ATP4A: variants seen among roughly 807,000 people sequenced by gnomAD.
ATP4A encodes ATPase H+/K+ transporting subunit alpha.
A neutral mutation model predicts 112.1 loss-of-function variants in ATP4A; 73 were observed. The ratio of observed to expected loss-of-function variants is 0.65; its 90% CI spans 0.54 to 0.79. The LOEUF (loss-of-function observed/expected upper bound fraction) is 0.79. ATP4A is among the 30% of genes least tolerant of loss of function. The probability of loss-of-function intolerance (pLI) is 0.00; values close to 1 mark genes in which losing one functional copy is unlikely to be tolerated. For missense variants in ATP4A, 1,081 were observed against 1,425.9 expected, an observed-to-expected ratio of 0.76 and a Z score of 3.90; for synonymous variants, 588 against 588.9, an observed-to-expected ratio of 1.00 and a Z score of 0.02.
Position 35,551,390 on chromosome 19 carries a change from T to A in ATP4A, c.2885+57A>T, listed in dbSNP as rs2071600980. 6.2e-7 allele frequency: 1 copy of A among 1,612,152 alleles called. No homozygotes were observed. ...CGGCTGTTCTAAACCACAGTCAGGA[T>A]CTGATGGGAGTTGGGACCAGGGGTT... On this transcript the variant is annotated intron_variant, in intron 19 of 21. Coordinates refer to ENST00000262623, the MANE Select transcript of ATP4A (RefSeq NM_000704.3). This position sits in a 1 kb window ranked among gnomAD's most constrained non-coding sequence, Gnocchi z 5.2.
Position 35,553,757 on chromosome 19 carries a change from G to T in ATP4A, c.2554C>A (p.Arg852Ser). 1 of 1,612,780 alleles carries T rather than the reference G, an allele frequency of 6.2e-7. No individual in the cohort carries two copies. The highest frequency in any genetic ancestry group is 1.1e-5 in the South Asian group (1 of 90,770). The change falls in exon 17 of 22, where the codon CGT becomes AGT. Residue 852 changes from arginine to serine, a missense_variant. Arg to Ser is a moderately radical substitution (Grantham distance 110, BLOSUM62 -1). Transcript: ENST00000262623. ...AGGGGCTCGTTGACCAATCTGTCACGCTTTGGGTTGCGTGGACGCAGGTGC... is the reference window on the plus strand; with the variant it reads ...AGGGGCTCGTTGACCAATCTGTCACTCTTTGGGTTGCGTGGACGCAGGTGC... ...IMHLRPRNPK[R>S]DRLVNEPLAA...
chr19:35,558,712 T>A lies in ATP4A; in HGVS notation c.1256-26A>T. The stretch of plus-strand genomic sequence containing the variant: ...CTGCAGACCAGGCGTCCAGGCTGGG[T>A]CCCGCACGGCGGCTCTCCCGGACCA... On this transcript the variant is annotated intron_variant, in intron 8 of 21. Coordinates refer to ENST00000262623, the MANE Select transcript of ATP4A (RefSeq NM_000704.3). The surrounding 1 kb of genome is among the most constrained non-coding windows in gnomAD (Gnocchi z 5.1). 2 of 1,560,298 alleles carry A rather than the reference T, an allele frequency of 1.3e-6. No homozygotes were observed. The highest frequency in any genetic ancestry group is 1.7e-6 in the Non-Finnish European group (2 of 1,155,152).
In ATP4A at chr19:35,558,743, G is replaced by T; in HGVS notation, c.1256-57C>A. 6.7e-7 allele frequency: 1 copy of T among 1,502,128 alleles called. No homozygotes were observed. The highest frequency in any genetic ancestry group is 1.2e-5 in the South Asian group (1 of 81,048). 93.0% of individuals were successfully genotyped at this position (1,502,128 alleles called of 1,614,324 possible). ...ACGGCGGCTCTCCCGGACCAGAACC[G>T]AGCCCCCTCCTCCTAGGCTCATATC... On this transcript the variant is annotated intron_variant, in intron 8 of 21. Coordinates refer to ENST00000262623, the MANE Select transcript of ATP4A (RefSeq NM_000704.3). The surrounding 1 kb of genome is among the most constrained non-coding windows in gnomAD (Gnocchi z 5.1).
rs2071629341 is a variant in ATP4A, at chr19:35,555,948, CAGAGACAAA to C, written c.1870-145_1870-137del. The C allele has an allele frequency of 2.4e-6, 3 of 1,275,590 alleles. No individual in the cohort carries two copies. Among genetic ancestry groups the C allele is most frequent in the Middle Eastern group, 4.7e-4 (2 of 4,230 alleles). 79.0% of individuals were successfully genotyped at this position (1,275,590 alleles called of 1,614,324 possible). A position where few individuals can be genotyped will look rare whatever the true frequency, so the allele number is the denominator to read the frequency against. Reference sequence around the variant, plus strand: ...CACCTCCTACGTGCCTGGGATATAGCAGAGACAAAAGAGACAAAAATCCCTGTCCTTGAG... The same window carrying C: ...CACCTCCTACGTGCCTGGGATATAGCAGAGACAAAAATCCCTGTCCTTGAG... On this transcript the variant is annotated intron_variant, in intron 12 of 21. Coordinates refer to ENST00000262623, the MANE Select transcript of ATP4A (RefSeq NM_000704.3). The surrounding 1 kb of genome is among the most constrained non-coding windows in gnomAD (Gnocchi z 6.6).
At position 35,553,762 on chromosome 19, in the gene ATP4A, G is replaced by A; in HGVS notation, c.2549C>T (p.Pro850Leu). ...SDIMHLRPRNPKRDRLVNEPL... is the reference protein window; with the variant it reads ...SDIMHLRPRNLKRDRLVNEPL... ...CTCGTTGACCAATCTGTCACGCTTT[G>A]GGTTGCGTGGACGCAGGTGCATGAT... Residue 850 changes from proline (P) to leucine (L), a missense_variant, in exon 17 of 22, where the codon CCA becomes CTA. Coordinates refer to ENST00000262623, the MANE Select transcript of ATP4A (RefSeq NM_000704.3). 1 of 1,612,316 alleles carries A rather than the reference G, an allele frequency of 6.2e-7. No individual in the cohort carries two copies. The highest frequency in any genetic ancestry group is 8.5e-7 in the Non-Finnish European group (1 of 1,179,394).
intron 16 of ATP4A, 152 bp downstream of exon 16, chr19:35,554,770 C>T: frequency 8.7e-7 from 1 of 1,142,966 alleles, no homozygotes; most frequent in Non-Finnish European, 1.2e-6. Context: ...GCCTGCCACC[C>T]ATGTGTCCTG....
rs748717699 is a variant in ATP4A at position 35,559,220 on chromosome 19, G to C, written c.1057-29C>G. 1 of 1,610,882 alleles carries C rather than the reference G, an allele frequency of 6.2e-7. No individual in the cohort carries two copies. Among genetic ancestry groups the C allele is most frequent in the South Asian group, 1.1e-5 (1 of 91,056 alleles). ...GGGAAGGGGTGAGCACCGCAGGCTGGGGACCCACCCTGGCTTCCAGTCCTC... is the reference window on the plus strand; with the variant it reads ...GGGAAGGGGTGAGCACCGCAGGCTGCGGACCCACCCTGGCTTCCAGTCCTC... On this transcript the variant is annotated intron_variant, in intron 7 of 21. Coordinates refer to ENST00000262623, the MANE Select transcript of ATP4A (RefSeq NM_000704.3). This position sits in a 1 kb window ranked among gnomAD's most constrained non-coding sequence, Gnocchi z 4.1.
Position 35,556,901 on chromosome 19 carries a change from A to T in ATP4A, c.1869+12T>A. On this transcript the variant is annotated intron_variant, in intron 12 of 21. Transcript: ENST00000262623. ...GTCCTCACTCCACTTGTTCCTCCCC[A>T]CAGTGGCATACCCGGATGCCTGCGG... 3 of 1,610,950 alleles carry T rather than the reference A, an allele frequency of 1.9e-6. No individual in the cohort carries two copies. The highest frequency in any genetic ancestry group is 2.5e-6 in the Non-Finnish European group (3 of 1,177,538).
Position 35,560,657 on chromosome 19 carries a change from G to C in ATP4A, c.535-42C>G, listed in dbSNP as rs1395328645. The C allele has an allele frequency of 6.4e-7, 1 of 1,563,650 alleles. No homozygotes were observed. The highest frequency in any genetic ancestry group is 1.3e-5 in the African/African-American group (1 of 74,130). The stretch of plus-strand genomic sequence containing the variant: ...CCAAAGTTGAGGTGGACGGGGGTGG[G>C]GGTGGGAGCTGCTGCATGTGGGGAG... On this transcript the variant is annotated intron_variant, in intron 5 of 21. Transcript: ENST00000262623. The surrounding 1 kb of genome is among the most constrained non-coding windows in gnomAD (Gnocchi z 5.1).
chr19:35,557,962 T>C lies in ATP4A; in HGVS notation c.1501-115A>G. 1.1e-6 allele frequency: 1 copy of C among 872,052 alleles called. No individual in the cohort carries two copies. Among genetic ancestry groups the C allele is most frequent in the Non-Finnish European group, 1.7e-6 (1 of 593,114 alleles). 54.0% of individuals were successfully genotyped at this position (872,052 alleles called of 1,614,324 possible). On this transcript the variant is annotated intron_variant, in intron 10 of 21. Coordinates refer to ENST00000262623, the MANE Select transcript of ATP4A (RefSeq NM_000704.3). The surrounding 1 kb of genome is among the most constrained non-coding windows in gnomAD (Gnocchi z 4.4). ...GGGGCCGAGAGCTCGGTGCGGGCTC[T>C]GAGAGCTGCGGGGAAGGGTGAAGGT... is the stretch of plus-strand genomic sequence containing the variant.
chr19:35,559,240 G>T lies in ATP4A; in HGVS notation c.1057-49C>A. ...GGCTGGGGACCCACCCTGGCTTCCA[G>T]TCCTCTTCCCCGCGTCAAAGAACGG... On this transcript the variant is annotated intron_variant, in intron 7 of 21. Transcript: ENST00000262623. This position sits in a 1 kb window ranked among gnomAD's most constrained non-coding sequence, Gnocchi z 4.1. 6.3e-7 allele frequency: 1 copy of T among 1,590,916 alleles called. No individual in the cohort carries two copies. Among genetic ancestry groups the T allele is most frequent in the Non-Finnish European group, 8.6e-7 (1 of 1,162,854 alleles).
rs529054172 is a variant in ATP4A at position 35,557,310 on chromosome 19, T to G, written c.1694-222A>C. ...GAAACTGAGGCTCAGAGAGGGGACA[T>G]TTCTTGCCAGAGGTCACACAGCAAG... is the stretch of plus-strand genomic sequence containing the variant. On this transcript the variant is annotated intron_variant, in intron 11 of 21. Coordinates refer to ENST00000262623, the MANE Select transcript of ATP4A (RefSeq NM_000704.3). This position sits in a 1 kb window ranked among gnomAD's most constrained non-coding sequence, Gnocchi z 4.4. Among the ~76,000 whole-genome samples, 1 of 152,174 alleles carries G rather than the reference T, an allele frequency of 6.6e-6. No homozygotes were observed. Among genetic ancestry groups the G allele is most frequent in the Non-Finnish European group, 1.5e-5 (1 of 68,036 alleles).
intron 4 of ATP4A, 21 bp downstream of exon 4, chr19:35,562,410 AGCCT>A (rs2071676142): frequency 6.2e-7 from 1 of 1,607,160 alleles, no homozygotes; most frequent in South Asian, 1.1e-5. Flanking sequence ...CCATGTCCTG[AGCCT>A]GTCCCCACAA....
chr19:35,550,995 C>T lies in ATP4A; in HGVS notation c.2987+15G>A, dbSNP rs759978664. The T allele has an allele frequency of 3.7e-6, 6 of 1,613,308 alleles. No homozygotes were observed. The highest frequency in any genetic ancestry group is 5.1e-6 in the Non-Finnish European group (6 of 1,179,594). Reference sequence around the variant, plus strand: ...TACAGCCCCCTCCCTGTCCTTGCCCCTCACAGCCTCTCACCGAATGGGCAT... The same window carrying T: ...TACAGCCCCCTCCCTGTCCTTGCCCTTCACAGCCTCTCACCGAATGGGCAT... On this transcript the variant is annotated intron_variant, in intron 20 of 21. Transcript: ENST00000262623. This position sits in a 1 kb window ranked among gnomAD's most constrained non-coding sequence, Gnocchi z 4.1.
chr19:35,557,158 TA>T lies in ATP4A; in HGVS notation c.1694-71del. The T allele has an allele frequency of 6.4e-7, 1 of 1,561,392 alleles. No individual in the cohort carries two copies. The highest frequency in any genetic ancestry group is 8.8e-7 in the Non-Finnish European group (1 of 1,140,220). On this transcript the variant is annotated intron_variant, in intron 11 of 21. Transcript: ENST00000262623. This position sits in a 1 kb window ranked among gnomAD's most constrained non-coding sequence, Gnocchi z 4.4. ...TTTCTTAGCAGGGCCAGGAAATGGG[TA>T]AAATAACCAGGCCCCTTGCACCAAA...
chr19:35,563,572 G>A lies in ATP4A; in HGVS notation c.13-45C>T, dbSNP rs766468311. On this transcript the variant is annotated intron_variant, in intron 1 of 21. Transcript: ENST00000262623. The stretch of plus-strand genomic sequence containing the variant: ...AGGGAGGGAGAACTCAGATTCCACT[G>A]CAACCCCTGTCCCCACTGCACCCCG... 6 of 1,613,810 alleles carry A rather than the reference G, an allele frequency of 3.7e-6. No individual in the cohort carries two copies. The African/African-American group carries it at 5.3e-5, about 14-fold the overall frequency.
intron 16 of ATP4A, among the ~76,000 whole-genome samples, chr19:35,554,408 T>C (rs562350938): frequency 6.6e-6 from 1 of 152,228 alleles, no homozygotes; most frequent in African/African-American, 2.4e-5. Context: ...TCTCATAGTG[T>C]GGTTATGAGT....
At position 35,553,842 on chromosome 19, in the gene ATP4A, G is replaced by A; in HGVS notation, c.2482-13C>T. 2 of 1,558,900 alleles carry A rather than the reference G, an allele frequency of 1.3e-6. No individual in the cohort carries two copies. Among genetic ancestry groups the A allele is most frequent in the Non-Finnish European group, 1.7e-6 (2 of 1,150,916 alleles). On this transcript the variant is annotated splice_polypyrimidine_tract_variant and intron_variant, in intron 16 of 21. Coordinates refer to ENST00000262623, the MANE Select transcript of ATP4A (RefSeq NM_000704.3). ...ACACAGATGGGAACTGGCCAGGAGT[G>A]GAAGGAACTGGGACTGAGGGTTTGG...
Position 35,550,338 on chromosome 19 carries a change from T to C in ATP4A, c.*277A>G, listed in dbSNP as rs2071593897. 2 of 524,866 alleles carry C rather than the reference T, an allele frequency of 3.8e-6. No individual in the cohort carries two copies. The highest frequency in any genetic ancestry group is 6.8e-6 in the Non-Finnish European group (2 of 292,280). 32.5% of individuals were successfully genotyped at this position (524,866 alleles called of 1,614,324 possible). A position where few individuals can be genotyped will look rare whatever the true frequency, so the allele number is the denominator to read the frequency against. Reference sequence around the variant, plus strand: ...TCCAGAAGCGGTCAGCTGTACTCCCTGTCAGAGCCCCACCGCCACCACAGG... The same window carrying C: ...TCCAGAAGCGGTCAGCTGTACTCCCCGTCAGAGCCCCACCGCCACCACAGG... On this transcript the variant is annotated 3_prime_UTR_variant, in exon 22 of 22. Transcript: ENST00000262623. This position sits in a 1 kb window ranked among gnomAD's most constrained non-coding sequence, Gnocchi z 4.1.
Sources: gnomAD v4.1 joint callset for allele counts (sites outside exome capture counted in the v4.1 genomes callset) on GRCh38, gnomAD v4.1.1 for gene constraint, Gnocchi (gnomAD v3.1) non-coding constraint, MANE v1.5 for transcripts, NCBI Gene and HGNC (gene_info 2026-07-23, HGNC 2026-07-21) for gene names.